The following PDE4D variants were observed in gnomAD, a reference collection of about 807,000 sequenced individuals.
PDE4D encodes 3',5'-cyclic-AMP phosphodiesterase 4D.
PDE4D carries 24 observed loss-of-function variants against 87.4 expected under a neutral mutation model. The ratio of observed to expected loss-of-function variants is 0.27; its 90% CI spans 0.20 to 0.39. PDE4D has a LOEUF of 0.39. PDE4D is among the 10% of genes least tolerant of loss of function. PDE4D has a pLI of 1.00. For synonymous variants in PDE4D, 384 were observed against 383.2 expected, an observed-to-expected ratio of 1.00 and a Z score of -0.02; for missense variants, 714 against 1,041.0, an observed-to-expected ratio of 0.69 and a Z score of 4.32.
At chr5:59,063,937 CAG>C (rs1209049805) in intron 5 of PDE4D, among the ~76,000 whole-genome samples, 2 of 151,908 alleles carry the variant, frequency 1.3e-5, no homozygotes, top group African/African-American at 4.8e-5. Flanking sequence ...CAGAAATATA[CAG>C]AGAGCAGTGA....
intron 1 of PDE4D, among the ~76,000 whole-genome samples, chr5:59,234,463 T>G (rs1755926317): frequency 6.6e-6 from 1 of 152,140 alleles, no homozygotes; most frequent in Admixed American, 6.6e-5. Flanking sequence ...TCAGCAAAGA[T>G]TTTTCTAACC....
chr5:60,450,624 T>C (rs940540652), intron 1 of PDE4D, among the ~76,000 whole-genome samples: 1 of 152,100 alleles, frequency 6.6e-6, no homozygotes, highest in South Asian at 2.1e-4. Flanking sequence ...TTTGGGAAAA[T>C]CACTTAACCT....
chr5:60,218,149 T>C (rs992641778), intron 1 of PDE4D, among the ~76,000 whole-genome samples: 9 of 151,884 alleles, frequency 5.9e-5, no homozygotes, highest in Admixed American at 2.0e-4. Flanking sequence ...TAAAATGAAA[T>C]CTCCATAGAG....
chr5:60,348,060 A>T (rs1381535275), intron 1 of PDE4D, among the ~76,000 whole-genome samples: 1 of 152,100 alleles, frequency 6.6e-6, no homozygotes. Flanking sequence ...AAGCCCTACA[A>T]AGGACACAAT....
At chr5:60,161,006 G>A (rs7718061) in intron 2 of PDE4D, among the ~76,000 whole-genome samples, 1,778 of 152,226 alleles carry the variant, frequency 0.012, 44 homozygotes, top group African/African-American at 0.041. Context: ...GGGCACAAAA[G>A]ATTTTCTTAA....
intron 1 of PDE4D, among the ~76,000 whole-genome samples, chr5:59,556,721 T>C (rs1818992987): frequency 6.6e-6 from 1 of 152,174 alleles, no homozygotes; most frequent in Admixed American, 6.6e-5. Context: ...ACTCTTATTA[T>C]TGAAATATTC....
chr5:59,813,095 T>G (rs994559189), intron 1 of PDE4D, among the ~76,000 whole-genome samples: 1 of 152,244 alleles, frequency 6.6e-6, no homozygotes, highest in Non-Finnish European at 1.5e-5. Flanking sequence ...GGGGGCTATT[T>G]TCTGGGCATT....
At chr5:60,374,052 G>A (rs1761243520) in intron 1 of PDE4D, among the ~76,000 whole-genome samples, 1 of 152,138 alleles carries the variant, frequency 6.6e-6, no homozygotes, top group South Asian at 2.1e-4. Flanking sequence ...ATTTTTGAGT[G>A]GCTGTTATTG....
intron 1 of PDE4D, among the ~76,000 whole-genome samples, chr5:59,496,417 G>A (rs982579428): frequency 6.6e-6 from 1 of 152,150 alleles, no homozygotes; most frequent in African/African-American, 2.4e-5. Flanking sequence ...ACCTAGGTCC[G>A]TGGGCACAGG....
intron 1 of PDE4D, among the ~76,000 whole-genome samples, chr5:60,485,632 C>T (rs1298193167): frequency 6.6e-6 from 1 of 152,162 alleles, no homozygotes; most frequent in East Asian, 1.9e-4. Context: ...TGCAAAAGAA[C>T]TTCCACAGTT....
At chr5:59,225,371 T>C (rs1753540167) in intron 1 of PDE4D, among the ~76,000 whole-genome samples, 1 of 152,238 alleles carries the variant, frequency 6.6e-6, no homozygotes, top group African/African-American at 2.4e-5. Context: ...TGTCTGTCTT[T>C]ATGCCAGTAC....
At chr5:60,197,082 TAGATAGA>T (rs1248554154) in intron 1 of PDE4D, among the ~76,000 whole-genome samples, 12 of 83,766 alleles carry the variant, frequency 1.4e-4, no homozygotes, top group African/African-American at 5.8e-4. Context: ...GACAGTTAGA[TAGATAGA>T]TAGATAGATA....
intron 6 of PDE4D, among the ~76,000 whole-genome samples, chr5:59,000,199 A>G (rs943699087): frequency 3.9e-5 from 6 of 152,136 alleles, no homozygotes; most frequent in Admixed American, 2.0e-4. Context: ...ATGACCATAA[A>G]ACTCCTCAAA....
intron 1 of PDE4D, among the ~76,000 whole-genome samples, chr5:59,839,190 T>A (rs1186804058): frequency 6.6e-6 from 1 of 151,610 alleles, no homozygotes; most frequent in Non-Finnish European, 1.5e-5. Flanking sequence ...AGCATTAAAA[T>A]GCAGCCTGGT....
At chr5:60,039,143 T>C (rs1582307190) in intron 2 of PDE4D, among the ~76,000 whole-genome samples, 1 of 151,850 alleles carries the variant, frequency 6.6e-6, no homozygotes, top group East Asian at 1.9e-4. Context: ...CACATGTATG[T>C]TTATTGTGGC....
chr5:60,322,392 ACACACACACACAC>A (rs1370602881), intron 1 of PDE4D, among the ~76,000 whole-genome samples: 11 of 151,180 alleles, frequency 7.3e-5, no homozygotes, highest in Admixed American at 6.0e-4. Flanking sequence ...ACACACACAC[ACACACACACACAC>A]ACACACACAC....
At chr5:59,175,054 G>A (rs977879144) in intron 5 of PDE4D, among the ~76,000 whole-genome samples, 3 of 152,126 alleles carry the variant, frequency 2.0e-5, no homozygotes, top group Admixed American at 6.6e-5. Flanking sequence ...AAGGTTGTTC[G>A]AAAATGAAAT....
intron 1 of PDE4D, among the ~76,000 whole-genome samples, chr5:59,297,492 T>C (rs1045837765): frequency 2.0e-5 from 3 of 152,078 alleles, no homozygotes; most frequent in Non-Finnish European, 4.4e-5. Flanking sequence ...GAGGGACGGG[T>C]AGTGAAAGAC....
At chr5:60,005,001 T>C (rs953665855) in intron 2 of PDE4D, among the ~76,000 whole-genome samples, 3 of 152,170 alleles carry the variant, frequency 2.0e-5, no homozygotes, top group Non-Finnish European at 4.4e-5. Context: ...ATGTCTGCAC[T>C]GTCGTCTTCA....
Sources: gnomAD v4.1 joint callset for allele counts (sites outside exome capture counted in the v4.1 genomes callset) on GRCh38, gnomAD v4.1.1 for gene constraint, MANE v1.5 for transcripts, NCBI Gene and HGNC (gene_info 2026-07-23, HGNC 2026-07-21) for gene names.